Variants in BMS1 observed in about 807,000 individuals in gnomAD.
BMS1 encodes ribosome biogenesis protein BMS1 homolog.
BMS1 carries 53 observed loss-of-function variants against 138.7 expected under a neutral mutation model. The observed-to-expected ratio is 0.38, with a 90% CI of 0.31 to 0.48. The LOEUF (loss-of-function observed/expected upper bound fraction) is 0.48. Among genes scored for constraint, BMS1 ranks in the 20% least tolerant of loss-of-function variants. The pLI is 0.97. For missense variants in BMS1, 1,360 were observed against 1,565.5 expected (o/e 0.87, Z 2.22); for synonymous variants, 504 against 539.9 (o/e 0.93, Z 0.92).
At chr10:42,792,337 C>G (rs943722857) in intron 6 of BMS1, among the ~76,000 whole-genome samples, 156 bp from the exon 7 acceptor site, 19 of 152,198 alleles carry the variant, frequency 1.2e-4, no homozygotes, top group Admixed American at 1.0e-3. Flanking sequence ...CCCTTTTCCT[C>G]TGGTGGATGG....
chr10:42,820,176 T>G, intron 15 of BMS1, 60 bp from the exon 16 acceptor site: 1 of 1,577,618 alleles, frequency 6.3e-7, no homozygotes, highest in South Asian at 1.1e-5. Context: ...TTGTTCATGT[T>G]AATCTTATGT....
Position 42,821,129 on chromosome 10 carries a change from T to C in BMS1, c.3009+137T>C, listed in dbSNP as rs989182863. 2.6e-5 allele frequency: 19 copies of C among 740,898 alleles called. No individual in the cohort carries two copies. The African/African-American group carries it at 3.2e-4, about 12-fold the overall frequency. The allele number at this position is 740,898 out of a possible 1,614,324, so 45.9% of individuals were successfully genotyped here. A position where few individuals can be genotyped will look rare whatever the true frequency, so the allele number is the denominator to read the frequency against. ...AAAGTAAATTTCCCTTTGCTTTTAA[T>C]CTTCCTACATCGTTTTCAGTAGGGT... On this transcript the variant is annotated intron_variant, in intron 18 of 22. Transcript: ENST00000374518.
Position 42,833,885 on chromosome 10 carries a change from C to T in BMS1, c.*2789C>T, listed in dbSNP as rs563764126. 8.5e-5 allele frequency: 13 copies of T among 152,302 alleles called. No homozygotes were observed. Among genetic ancestry groups the T allele is most frequent in the African/African-American group, 3.1e-4 (13 of 41,570 alleles). 9.4% of individuals were successfully genotyped at this position (152,302 alleles called of 1,614,324 possible). A position where few individuals can be genotyped will look rare whatever the true frequency, so the allele number is the denominator to read the frequency against. On this transcript the variant is annotated 3_prime_UTR_variant, in exon 23 of 23. Coordinates refer to ENST00000374518, the MANE Select transcript of BMS1 (RefSeq NM_014753.4). ...TGAGAGCAGGAACTGGGTTGTTCACCTTGTTGGCACTTGGAGTAGAGCCAC... is the reference window on the plus strand; with the variant it reads ...TGAGAGCAGGAACTGGGTTGTTCACTTTGTTGGCACTTGGAGTAGAGCCAC...
At chr10:42,790,695 C>A (rs1274419754) in intron 5 of BMS1, among the ~76,000 whole-genome samples, 184 bp downstream of exon 5, 1 of 151,948 alleles carries the variant, frequency 6.6e-6, no homozygotes, top group African/African-American at 2.4e-5. Flanking sequence ...ACTAAAAATG[C>A]AAAAATTAGT....
intron 11 of BMS1, among the ~76,000 whole-genome samples, chr10:42,798,236 T>G (rs1023323955): frequency 1.3e-5 from 2 of 152,200 alleles, no homozygotes; most frequent in Non-Finnish European, 2.9e-5. Context: ...GCTGCTCCCG[T>G]GCAGGAGCAC....
rs771571475 is a variant in BMS1 at position 42,820,311 on chromosome 10, G to C, written c.2656G>C (p.Val886Leu). 6.2e-7 allele frequency: 1 copy of C among 1,613,576 alleles called. No homozygotes were observed. The highest frequency in any genetic ancestry group is 1.3e-5 in the African/African-American group (1 of 74,884). ...TGAGGGTTTTCGACCTGGGATGTAC[G>C]TCCGCATTGAGATTGAAAATGTTCC... ...QYEGFRPGMY[V>L]RIEIENVPCE... Residue 886 changes from valine (V) to leucine (L), a missense_variant, in exon 16 of 23, where the codon GTC becomes CTC. Val to Leu is a conservative substitution (Grantham distance 32). Transcript: ENST00000374518.
intron 9 of BMS1, among the ~76,000 whole-genome samples, 156 bp downstream of exon 9, chr10:42,794,147 C>T (rs1333105195): frequency 6.6e-6 from 1 of 152,118 alleles, no homozygotes; most frequent in African/African-American, 2.4e-5. Context: ...TCTTCACTTA[C>T]CTGACATTAC....
At chr10:42,794,093 A>G in intron 9 of BMS1, 102 bp downstream of exon 9, 1 of 1,362,110 alleles carries the variant, frequency 7.3e-7, no homozygotes, top group African/African-American at 1.5e-5. Context: ...GATTCATTCT[A>G]TGTTGTTTTG....
chr10:42,792,359 T>C, intron 6 of BMS1, 134 bp from the exon 7 acceptor site: 2 of 1,240,742 alleles, frequency 1.6e-6, no homozygotes, highest in Non-Finnish European at 2.2e-6. Flanking sequence ...GAATGGTGCC[T>C]CCTTATTTCT....
chr10:42,797,193 A>G lies in BMS1; in HGVS notation c.1949A>G (p.Asp650Gly). 2 of 1,609,112 alleles carry G rather than the reference A, an allele frequency of 1.2e-6. No homozygotes were observed. The highest frequency in any genetic ancestry group is 8.5e-7 in the Non-Finnish European group (1 of 1,178,288). The change falls in exon 10 of 23, where the codon GAT becomes GGT. Residue 650 changes from aspartate to glycine, a missense_variant. Physicochemically the swap from Asp to Gly is moderately conservative, Grantham distance 94 (BLOSUM62 -1). Transcript: ENST00000374518. ...DIENLLKEEEDYKEENNDSKE... is the reference protein window; with the variant it reads ...DIENLLKEEEGYKEENNDSKE... Reference sequence around the variant, plus strand: ...GAAAATTTACTCAAAGAGGAAGAAGATTACAAGGAAGAAAATAATGATTCC... The same window carrying G: ...GAAAATTTACTCAAAGAGGAAGAAGGTTACAAGGAAGAAAATAATGATTCC...
intron 14 of BMS1, 67 bp from the exon 15 acceptor site, chr10:42,817,251 A>C (rs1842374868): frequency 1.6e-6 from 2 of 1,248,956 alleles, no homozygotes; most frequent in Admixed American, 2.8e-5. Context: ...AGAACTTTAA[A>C]AAAGCTAATG....
intron 11 of BMS1, 110 bp downstream of exon 11, chr10:42,797,633 C>A: frequency 3.1e-6 from 3 of 980,358 alleles, no homozygotes; most frequent in Non-Finnish European, 4.6e-6. Context: ...AATTGCTGTC[C>A]ATCACATTTC....
intron 13 of BMS1, among the ~76,000 whole-genome samples, chr10:42,809,089 T>TG (rs1268246466): frequency 3.3e-5 from 5 of 152,308 alleles, no homozygotes; most frequent in African/African-American, 9.6e-5. Context: ...TAGATCAGTT[T>TG]GGGGGGATAA....
At chr10:42,814,280 C>G (rs1265384663) in intron 13 of BMS1, among the ~76,000 whole-genome samples, 2 of 152,132 alleles carry the variant, frequency 1.3e-5, no homozygotes, top group African/African-American at 2.4e-5. Context: ...CATTTGTTTT[C>G]AGGTTATTTT....
In BMS1 at chr10:42,823,388, A is replaced by C. The variant is rs565192238; in HGVS notation, c.3280+123A>C. ...GAGCAGCTCCAGCCTTAGATCTCCC[A>C]GTCTTATGGGTGTGCCCATTCGCTT... On this transcript the variant is annotated intron_variant, in intron 20 of 22. Coordinates refer to ENST00000374518, the MANE Select transcript of BMS1 (RefSeq NM_014753.4). 2.3e-6 allele frequency: 3 copies of C among 1,328,538 alleles called. No homozygotes were observed. The Admixed American group carries it at 7.9e-5, about 35-fold the overall frequency. 82.3% of individuals were successfully genotyped at this position (1,328,538 alleles called of 1,614,324 possible).
Position 42,784,483 on chromosome 10 carries a change from A to T in BMS1, c.89A>T (p.Gln30Leu). The change falls in exon 2 of 23, where the codon CAG (glutamine) becomes CTG (leucine). Residue 30 changes from glutamine (Q) to leucine (L), a missense_variant. By Grantham distance (113) the Gln-to-Leu change is moderately radical. This residue lies in a region of BMS1 where 238 missense variants were observed against 311.1 expected (regional missense o/e 0.77). Coordinates refer to ENST00000374518, the MANE Select transcript of BMS1 (RefSeq NM_014753.4). ...AAGAAGCGGCTTCTGCAGGATCTCC[A>T]GCTAGGAGACGAAGAAGATGCCCGG... ...KKKKRLLQDLQLGDEEDARKR... is the reference protein window; with the variant it reads ...KKKKRLLQDLLLGDEEDARKR... The T allele has an allele frequency of 6.2e-7, 1 of 1,614,010 alleles. No individual in the cohort carries two copies. The highest frequency in any genetic ancestry group is 8.5e-7 in the Non-Finnish European group (1 of 1,179,868).
Position 42,785,547 on chromosome 10 carries a change from CACCA to C in BMS1, c.244_247del (p.Pro82Ter). 1 of 1,613,862 alleles carries C rather than the reference CACCA, an allele frequency of 6.2e-7. No individual in the cohort carries two copies. The highest frequency in any genetic ancestry group is 8.5e-7 in the Non-Finnish European group (1 of 1,179,846). On this transcript the variant is annotated frameshift_variant, in exon 3 of 23. Coordinates refer to ENST00000374518, the MANE Select transcript of BMS1 (RefSeq NM_014753.4). LOFTEE classifies it high-confidence loss of function. The stretch of plus-strand genomic sequence containing the variant: ...GTTGATCGAACTCCACTAGAGCCCC[CACCA>C]ATAGTGGTAGTGGTGATGGGACCTC...
At chr10:42,826,998 G>A (rs1842665760) in intron 21 of BMS1, among the ~76,000 whole-genome samples, 2 of 152,200 alleles carry the variant, frequency 1.3e-5, no homozygotes, top group Admixed American at 1.3e-4. Context: ...GTTGAAATTT[G>A]ATTCCAAATG....
chr10:42,831,513 C>G lies in BMS1; in HGVS notation c.*417C>G, dbSNP rs1292189155. ...CTTCCAGAAGAGAAAGAAATATTCA[C>G]TTGAACTCTGAGCTCCCATGGAAGA... On this transcript the variant is annotated 3_prime_UTR_variant, in exon 23 of 23. Transcript: ENST00000374518. 1 of 174,244 alleles carries G rather than the reference C, an allele frequency of 5.7e-6. No homozygotes were observed. The highest frequency in any genetic ancestry group is 1.2e-5 in the Non-Finnish European group (1 of 80,704). The allele number at this position is 174,244 out of a possible 1,614,324, so 10.8% of individuals were successfully genotyped here. A position where few individuals can be genotyped will look rare whatever the true frequency, so the allele number is the denominator to read the frequency against.
Sources: allele counts gnomAD v4.1 joint callset (sites outside exome capture counted in the v4.1 genomes callset), GRCh38; gene constraint gnomAD v4.1.1; regional missense constraint gnomAD v4.1.1; transcripts MANE v1.5; gene names NCBI Gene and HGNC (gene_info 2026-07-23, HGNC 2026-07-21).